Variants in MYH14 observed in about 807,000 individuals in gnomAD.
MYH14 encodes myosin-14.
MYH14 carries 123 observed loss-of-function variants against 255.5 expected under a neutral mutation model. The ratio of observed to expected loss-of-function variants is 0.48; its 90% CI spans 0.42 to 0.56. The LOEUF (loss-of-function observed/expected upper bound fraction) is 0.56. MYH14 is among the 20% of genes least tolerant of loss of function. The pLI, the probability that MYH14 is intolerant of heterozygous loss-of-function variation, is 0.00. For synonymous variants in MYH14, 1,095 were observed against 1,161.2 expected, an observed-to-expected ratio of 0.94 and a Z score of 1.16; for missense variants, 2,423 against 2,802.3, an observed-to-expected ratio of 0.86 and a Z score of 3.06.
At position 50,278,219 on chromosome 19, in the gene MYH14, A is replaced by G; in HGVS notation, c.3962A>G (p.Glu1321Gly). 6.2e-7 allele frequency: 1 copy of G among 1,605,698 alleles called. No homozygotes were observed. The highest frequency in any genetic ancestry group is 8.5e-7 in the Non-Finnish European group (1 of 1,176,746). ...RRRRLELQLQEVQGRAGDGER... is the reference protein window; with the variant it reads ...RRRRLELQLQGVQGRAGDGER... ...CGCCGCCTGGAGTTACAGCTGCAGG[A>G]GGTGCAGGGCCGGGCTGGTGATGGG... Residue 1321 changes from glutamate to glycine, a missense_variant, in exon 30 of 43, where the codon GAG (glutamate) becomes GGG (glycine). This residue lies in a region of MYH14 where 1,513 missense variants were observed against 1,674.8 expected (regional missense o/e 0.90). Transcript: ENST00000642316.
intron 1 of MYH14, among the ~76,000 whole-genome samples, chr19:50,210,055 G>T (rs1324460906): frequency 8.8e-6 from 1 of 113,414 alleles, no homozygotes; most frequent in East Asian, 3.0e-4. Context: ...CTGAGATCAC[G>T]CCATTGCACT....
In MYH14 at chr19:50,272,532, C is replaced by A. The variant is rs1038488816; in HGVS notation, c.3296-28C>A. 32 of 1,553,828 alleles carry A rather than the reference C, an allele frequency of 2.1e-5. No homozygotes were observed. In the Middle Eastern group the frequency reaches 5.6e-4, roughly 27 times the overall value. The stretch of plus-strand genomic sequence containing the variant: ...GCTGAGTGTGCAGGCCTGGAGTCCT[C>A]ATGCACGGCCCCCACCCCTGCCTCC... On this transcript the variant is annotated intron_variant, in intron 26 of 42. Coordinates refer to ENST00000642316, the MANE Select transcript of MYH14 (RefSeq NM_001145809.2).
rs185838798 is a variant in MYH14, at chr19:50,296,012, G to A, written c.5469+2325G>A. ...TGTAGTCCAGCTACTCGGGAGGCTG[G>A]GGCAGAGAATTGCTTGAACCCAGGA... On this transcript the variant is annotated intron_variant, in intron 39 of 42. Transcript: ENST00000642316. Among the ~76,000 whole-genome samples the A allele has an allele frequency of 7.9e-3, 1,194 of 151,594 alleles. 18 individuals carry two copies. Among genetic ancestry groups the A allele is most frequent in the Non-Finnish European group, 9.1e-3 (615 of 67,922 alleles).
Position 50,250,666 on chromosome 19 carries a change from G to T in MYH14, c.1808G>T (p.Ser603Ile). Residue 603 changes from serine (S) to isoleucine (I), a missense_variant, in exon 15 of 43, where the codon AGT becomes ATT. By Grantham distance (142) the Ser-to-Ile change is moderately radical (BLOSUM62 -2). Transcript: ENST00000642316. The surrounding 1 kb of genome is among the most constrained non-coding windows in gnomAD (Gnocchi z 5.4). Reference protein sequence around the residue: ...PRHLRDQADFSVLHYAGKVDY... With the variant: ...PRHLRDQADFIVLHYAGKVDY... ...CACCTGCGGGATCAGGCCGACTTCAGTGTTCTCCACTACGCGGGCAAGGTA... is the reference window on the plus strand; with the variant it reads ...CACCTGCGGGATCAGGCCGACTTCATTGTTCTCCACTACGCGGGCAAGGTA... The T allele has an allele frequency of 1.2e-6, 2 of 1,613,796 alleles. No individual in the cohort carries two copies. Among genetic ancestry groups the T allele is most frequent in the Non-Finnish European group, 1.7e-6 (2 of 1,179,720 alleles).
intron 32 of MYH14, among the ~76,000 whole-genome samples, chr19:50,281,081 C>T (rs2035702107): frequency 6.6e-6 from 1 of 152,100 alleles, no homozygotes; most frequent in Admixed American, 6.6e-5. Context: ...TGTAGCACAG[C>T]CTGATATAGG....
In MYH14 at chr19:50,250,576, A is replaced by G; in HGVS notation, c.1718A>G (p.Asp573Gly). Residue 573 changes from aspartate to glycine, a missense_variant, in exon 15 of 43, where the codon GAC becomes GGC. Around this residue, in one of 3 missense-constraint regions of MYH14, gnomAD observed 672 missense variants for 881.8 expected, o/e 0.76. Coordinates refer to ENST00000642316, the MANE Select transcript of MYH14 (RefSeq NM_001145809.2). The surrounding 1 kb of genome is among the most constrained non-coding windows in gnomAD (Gnocchi z 5.4). ...GAGTGCTGGTTCCCGAAGGCCACAG[A>G]CAAGTCGTTTGTGGAGAAGGTAGCC... The part of the protein sequence containing the change: ...DEECWFPKAT[D>G]KSFVEKVAQE... The G allele has an allele frequency of 6.2e-7, 1 of 1,614,050 alleles. No homozygotes were observed. Among genetic ancestry groups the G allele is most frequent in the Non-Finnish European group, 8.5e-7 (1 of 1,179,964 alleles).
Position 50,230,764 on chromosome 19 carries a change from C to A in MYH14, c.973+141C>A. 1 of 675,902 alleles carries A rather than the reference C, an allele frequency of 1.5e-6. No individual in the cohort carries two copies. Among genetic ancestry groups the A allele is most frequent in the South Asian group, 1.8e-5 (1 of 56,120 alleles). The allele number at this position is 675,902 out of a possible 1,614,324, so 41.9% of individuals were successfully genotyped here. ...GACTTCGCATGAGGCTCCCGCAGCC[C>A]CTGCTCTCGCTGCGTAGTGGCGTCT... is the stretch of plus-strand genomic sequence containing the variant. On this transcript the variant is annotated intron_variant, in intron 9 of 42. Transcript: ENST00000642316. The surrounding 1 kb of genome is among the most constrained non-coding windows in gnomAD (Gnocchi z 4.7).
At position 50,213,279 on chromosome 19, in the gene MYH14, G is replaced by A. The variant is rs982329661; in HGVS notation, c.405+2509G>A. Among the ~76,000 whole-genome samples, 13 of 152,058 alleles carry A rather than the reference G, an allele frequency of 8.5e-5. No individual in the cohort carries two copies. The East Asian group carries it at 9.6e-4, about 11-fold the overall frequency. The stretch of plus-strand genomic sequence containing the variant: ...TTGCCTTTTAATAAATACTCTGAGC[G>A]CTCCCAGCAACCTTGTAAGGTATCT... On this transcript the variant is annotated intron_variant, in intron 2 of 42. Transcript: ENST00000642316.
chr19:50,281,951 T>C, intron 33 of MYH14, 109 bp downstream of exon 33: 2 of 1,210,034 alleles, frequency 1.7e-6, no homozygotes, highest in East Asian at 2.5e-5. Context: ...ACTAGGCAGT[T>C]GTAGTGGACC....
intron 2 of MYH14, among the ~76,000 whole-genome samples, chr19:50,211,847 G>T (rs2032212494): frequency 6.6e-6 from 1 of 152,026 alleles, no homozygotes; most frequent in African/African-American, 2.4e-5. Context: ...AATTAGCTGG[G>T]CATGGTGGCA....
At position 50,219,060 on chromosome 19, in the gene MYH14, A is replaced by C. The variant is rs139761279; in HGVS notation, c.562+1289A>C. ...GGATATATACTCTCTCTCTCTATAT[A>C]TATATATATGAGTATTCCATGGTGT... On this transcript the variant is annotated intron_variant, in intron 3 of 42. Transcript: ENST00000642316. 6.8e-3 allele frequency among the ~76,000 whole-genome samples: 963 copies of C among 142,310 alleles called. 4 individuals carry two copies. The highest frequency in any genetic ancestry group is 0.025 in the Middle Eastern group (7 of 276). The allele number at this position is 142,310 out of a possible 152,430, so 93.4% of individuals were successfully genotyped here.
intron 23 of MYH14, among the ~76,000 whole-genome samples, chr19:50,267,766 G>A (rs185291404): frequency 1.2e-3 from 179 of 152,170 alleles, no homozygotes; most frequent in African/African-American, 4.1e-3. Context: ...AAGACCCCTC[G>A]GGGGTTATTT....
chr19:50,265,169 G>C (rs951519392), intron 22 of MYH14, among the ~76,000 whole-genome samples: 4 of 152,182 alleles, frequency 2.6e-5, no homozygotes, highest in Non-Finnish European at 5.9e-5. Context: ...CCTTTCGTTA[G>C]CATGGTGTCT....
intron 41 of MYH14, among the ~76,000 whole-genome samples, chr19:50,307,774 A>T (rs538866004): frequency 1.3e-5 from 2 of 152,358 alleles, no homozygotes; most frequent in East Asian, 3.9e-4. Flanking sequence ...TTAAGAGGAT[A>T]TATTTTGCAT....
At chr19:50,261,892 C>T (rs954399801) in intron 21 of MYH14, among the ~76,000 whole-genome samples, 1 of 152,120 alleles carries the variant, frequency 6.6e-6, no homozygotes, top group African/African-American at 2.4e-5. Context: ...TCCTAGTGGG[C>T]CTGGGTCTGG....
chr19:50,264,710 C>T (rs1231987827), intron 22 of MYH14, among the ~76,000 whole-genome samples: 1 of 152,192 alleles, frequency 6.6e-6, no homozygotes, highest in Non-Finnish European at 1.5e-5. Context: ...CCAGCCTGGT[C>T]TCTCTTATCA....
At chr19:50,247,316 G>A (rs564607197) in intron 12 of MYH14, among the ~76,000 whole-genome samples, 194 bp downstream of exon 12, 10 of 152,158 alleles carry the variant, frequency 6.6e-5, no homozygotes, top group African/African-American at 2.4e-4. Flanking sequence ...GGGACCTCAA[G>A]TTATAGTAAG....
intron 39 of MYH14, among the ~76,000 whole-genome samples, chr19:50,297,041 C>A (rs4801828): frequency 0.67 from 101,245 of 151,696 alleles, 36,089 homozygotes; most frequent in East Asian, 0.99. Flanking sequence ...ACTGGAGTGC[C>A]GTGGTGTGAT....
chr19:50,306,455 T>G (rs1400417544), intron 40 of MYH14, among the ~76,000 whole-genome samples: 1 of 152,088 alleles, frequency 6.6e-6, no homozygotes, highest in African/African-American at 2.4e-5. Flanking sequence ...GATGTGATGG[T>G]CCATGCAGGA....
Sources: gnomAD v4.1 joint callset for allele counts (sites outside exome capture counted in the v4.1 genomes callset) on GRCh38, gnomAD v4.1.1 for gene constraint, gnomAD v4.1.1 regional missense constraint, Gnocchi (gnomAD v3.1) non-coding constraint, MANE v1.5 for transcripts, NCBI Gene and HGNC (gene_info 2026-07-23, HGNC 2026-07-21) for gene names.